Variants in SHANK2 observed in about 807,000 individuals in gnomAD.
SHANK2 encodes the protein SH3 and multiple ankyrin repeat domains protein 2.
SHANK2 carries 43 observed loss-of-function variants against 133.7 expected under a neutral mutation model. The ratio of observed to expected loss-of-function variants is 0.32; its 90% CI spans 0.25 to 0.41. SHANK2 has a LOEUF of 0.41. SHANK2 is among the 10% of genes least tolerant of loss of function. SHANK2 has a pLI of 1.00. For missense variants in SHANK2, 1,994 were observed against 2,235.8 expected, an observed-to-expected ratio of 0.89 and a Z score of 2.18; for synonymous variants, 1,017 against 952.8, an observed-to-expected ratio of 1.07 and a Z score of -1.24.
At chr11:71,128,552 C>T (rs1313104229) in intron 3 of SHANK2, among the ~76,000 whole-genome samples, 2 of 152,134 alleles carry the variant, frequency 1.3e-5, no homozygotes, top group Non-Finnish European at 2.9e-5. Context: ...CACACCGATC[C>T]CGGAAAGTTC....
intron 9 of SHANK2, among the ~76,000 whole-genome samples, chr11:71,057,935 A>G (rs1950941612): frequency 9.0e-6 from 1 of 111,160 alleles, no homozygotes; most frequent in African/African-American, 6.9e-5. Context: ...TTTTTTTGAG[A>G]CAGGGTCTCA....
chr11:70,767,682 GGCT>G (rs1471116693), intron 14 of SHANK2, among the ~76,000 whole-genome samples: 2 of 152,088 alleles, frequency 1.3e-5, no homozygotes, highest in Non-Finnish European at 2.9e-5. Context: ...GTAGATTAGT[GGCT>G]GCCAGGGGTG....
At chr11:71,078,740 C>T (rs1174674644) in intron 8 of SHANK2, among the ~76,000 whole-genome samples, 1 of 152,238 alleles carries the variant, frequency 6.6e-6, no homozygotes, top group Non-Finnish European at 1.5e-5. Context: ...GGCCTGACGA[C>T]TCAGAAGTTA....
intron 17 of SHANK2, among the ~76,000 whole-genome samples, chr11:70,592,295 A>T (rs569471818): frequency 6.6e-6 from 1 of 152,240 alleles, no homozygotes; most frequent in South Asian, 2.1e-4. Flanking sequence ...GCAGGTGAGG[A>T]CTGGGTCCTG....
chr11:71,235,849 C>CG lies in SHANK2; in HGVS notation c.-112-11054dup, dbSNP rs1325330870. ...AGCCTGTGGGGAGTGGCTGCCGTGA[C>CG]GATGGGCACACACTCTCTCACATGT... On this transcript the variant is annotated intron_variant, in intron 1 of 25. Coordinates refer to ENST00000601538, the MANE Select transcript of SHANK2 (RefSeq NM_012309.5). 2.6e-5 allele frequency among the ~76,000 whole-genome samples: 4 copies of CG among 152,278 alleles called. No individual in the cohort carries two copies. In the East Asian group the frequency reaches 7.7e-4, roughly 29 times the overall value.
At chr11:70,893,631 A>G (rs1949886565) in intron 11 of SHANK2, among the ~76,000 whole-genome samples, 1 of 152,228 alleles carries the variant, frequency 6.6e-6, no homozygotes. Context: ...GAACCCTTAG[A>G]TGACTCAGAT....
intron 17 of SHANK2, among the ~76,000 whole-genome samples, chr11:70,545,931 T>C (rs1404944763): frequency 6.6e-6 from 1 of 152,104 alleles, no homozygotes; most frequent in Non-Finnish European, 1.5e-5. Context: ...CTCGGGAACA[T>C]GCATCACTTA....
At chr11:70,798,156 A>C (rs1947959602) in intron 14 of SHANK2, among the ~76,000 whole-genome samples, 1 of 152,122 alleles carries the variant, frequency 6.6e-6, no homozygotes, top group South Asian at 2.1e-4. Flanking sequence ...AACCCCCAAA[A>C]GTCTCTCTCT....
intron 10 of SHANK2, among the ~76,000 whole-genome samples, chr11:70,924,913 AG>A (rs1950405860): frequency 2.0e-5 from 3 of 152,214 alleles, no homozygotes. Flanking sequence ...GCAAGGCTGG[AG>A]CTGCTAACTT....
intron 14 of SHANK2, among the ~76,000 whole-genome samples, chr11:70,708,617 C>T (rs528164284): frequency 6.6e-5 from 10 of 152,282 alleles, no homozygotes; most frequent in African/African-American, 2.4e-4. Context: ...CGAGGTTTGG[C>T]CAAGGACCTT....
rs368977877 is a variant in SHANK2, at chr11:70,802,315, T to C, written c.1664-3759A>G. Among the ~76,000 whole-genome samples the C allele has an allele frequency of 2.0e-3, 308 of 152,312 alleles. 1 individual carries two copies. The highest frequency in any genetic ancestry group is 0.01 in the Middle Eastern group (3 of 294). On this transcript the variant is annotated intron_variant, in intron 13 of 25. Coordinates refer to ENST00000601538, the MANE Select transcript of SHANK2 (RefSeq NM_012309.5). Reference sequence around the variant, plus strand: ...GAAGGGCCAGCTCTGCTGTCCTCACTATGGCCACCACAGTGGGCCGCTCCC... The same window carrying C: ...GAAGGGCCAGCTCTGCTGTCCTCACCATGGCCACCACAGTGGGCCGCTCCC...
intron 9 of SHANK2, among the ~76,000 whole-genome samples, chr11:71,062,379 T>C (rs1006833689): frequency 2.3e-4 from 35 of 152,324 alleles, no homozygotes; most frequent in African/African-American, 7.7e-4. Flanking sequence ...AATGGGATGA[T>C]GGCTCTCAGC....
chr11:70,864,992 C>T (rs1949329946), intron 11 of SHANK2: 2 of 152,276 alleles, frequency 1.3e-5, no homozygotes, highest in South Asian at 4.1e-4. Flanking sequence ...CACCACTGCA[C>T]TCCAGCCTGG....
rs115850649 is a variant in SHANK2 at position 71,221,241 on chromosome 11, T to C, written c.-13+3456A>G. ...AAAAAGATGAAGATGGTAAATTCTG[T>C]ATTATGTGTATCTTGCTAAGACTTT... is the stretch of plus-strand genomic sequence containing the variant. On this transcript the variant is annotated intron_variant, in intron 2 of 25. Coordinates refer to ENST00000601538, the MANE Select transcript of SHANK2 (RefSeq NM_012309.5). Among the ~76,000 whole-genome samples, 863 of 151,490 alleles carry C rather than the reference T, an allele frequency of 5.7e-3. 5 individuals are homozygous for C. Among genetic ancestry groups the C allele is most frequent in the African/African-American group, 0.02 (835 of 41,348 alleles).
At chr11:70,916,899 C>T (rs186288394) in intron 10 of SHANK2, among the ~76,000 whole-genome samples, 13 of 152,316 alleles carry the variant, frequency 8.5e-5, no homozygotes, top group Admixed American at 7.2e-4. Flanking sequence ...TCAATCTCCA[C>T]GGTACCTGCG....
chr11:70,746,544 C>G (rs1385565645), intron 14 of SHANK2, among the ~76,000 whole-genome samples: 1 of 150,752 alleles, frequency 6.6e-6, no homozygotes, highest in African/African-American at 2.4e-5. Context: ...TCTCCCACCA[C>G]TCTCCCGCTT....
rs782418842 is a variant in SHANK2, at chr11:70,473,471, A to G, written c.4980-32T>C. ...CAGCAACACAGAGAAAACCATCACA[A>G]GGCAGGTCACCGAGTCAGGGCAGCT... is the stretch of plus-strand genomic sequence containing the variant. On this transcript the variant is annotated intron_variant, in intron 25 of 25. Coordinates refer to ENST00000601538, the MANE Select transcript of SHANK2 (RefSeq NM_012309.5). The surrounding 1 kb of genome is among the most constrained non-coding windows in gnomAD (Gnocchi z 5.9). 1 of 1,597,800 alleles carries G rather than the reference A, an allele frequency of 6.3e-7. No homozygotes were observed.
intron 11 of SHANK2, among the ~76,000 whole-genome samples, chr11:70,887,154 G>A (rs916002498): frequency 3.3e-5 from 5 of 152,152 alleles, no homozygotes; most frequent in East Asian, 1.9e-4. Context: ...CCCGGCACCC[G>A]GACAGTCTTG....
chr11:71,224,014 G>A (rs1591036944), intron 2 of SHANK2, among the ~76,000 whole-genome samples: 1 of 152,358 alleles, frequency 6.6e-6, no homozygotes, highest in African/African-American at 2.4e-5. Context: ...ACCAGCAGGA[G>A]CCCAGTGTGT....
Sources: allele counts gnomAD v4.1 joint callset (sites outside exome capture counted in the v4.1 genomes callset), GRCh38; gene constraint gnomAD v4.1.1; non-coding constraint Gnocchi (gnomAD v3.1); transcripts MANE v1.5; gene names NCBI Gene and HGNC (gene_info 2026-07-23, HGNC 2026-07-21).